The following DPYD variants were observed in gnomAD, a reference collection of about 807,000 sequenced individuals.
DPYD encodes dihydropyrimidine dehydrogenase.
In DPYD, 109 loss-of-function variants were observed where a neutral mutation model predicts 116.2. The ratio of observed to expected loss-of-function variants is 0.94; its 90% CI spans 0.80 to 1.10. The LOEUF is 1.10. Ranked by LOEUF, DPYD falls within the 50% of genes least tolerant of loss-of-function variation. The pLI is 0.00. For synonymous variants in DPYD, 440 were observed against 432.0 expected (o/e 1.02, Z -0.23); for missense variants, 1,302 against 1,254.5 (o/e 1.04, Z -0.57).
chr1:97,492,474 ATT>A (rs1413063167), intron 13 of DPYD, among the ~76,000 whole-genome samples: 1 of 152,148 alleles, frequency 6.6e-6, no homozygotes, highest in African/African-American at 2.4e-5. Flanking sequence ...ATTAAAATCC[ATT>A]CTTATAGAAC....
intron 5 of DPYD, among the ~76,000 whole-genome samples, chr1:97,706,701 C>T (rs1661976255): frequency 6.6e-6 from 1 of 152,056 alleles, no homozygotes. Flanking sequence ...GATAGCTCCT[C>T]TCTTTTTAAT....
chr1:97,521,399 C>T (rs1343237695), intron 12 of DPYD, among the ~76,000 whole-genome samples: 1 of 152,052 alleles, frequency 6.6e-6, no homozygotes, highest in East Asian at 1.9e-4. Context: ...AACCACTGCT[C>T]AAGGAAATAA....
intron 2 of DPYD, among the ~76,000 whole-genome samples, chr1:97,840,605 A>G (rs1669990456): frequency 6.6e-6 from 1 of 152,106 alleles, no homozygotes; most frequent in Non-Finnish European, 1.5e-5. Context: ...CAGTAGGGTA[A>G]GTTTTTTGTC....
intron 16 of DPYD, among the ~76,000 whole-genome samples, chr1:97,312,267 C>T (rs992263326): frequency 1.9e-4 from 29 of 151,914 alleles, no homozygotes; most frequent in African/African-American, 6.7e-4. Context: ...CTGATAATAT[C>T]CCTCTTTGCT....
intron 1 of DPYD, among the ~76,000 whole-genome samples, chr1:97,884,812 T>C (rs1672398391): frequency 6.6e-6 from 1 of 152,066 alleles, no homozygotes. Context: ...GTTTATGATA[T>C]ACAGTACCAG....
chr1:97,398,540 GA>G (rs1468461417), intron 14 of DPYD, among the ~76,000 whole-genome samples: 1 of 152,140 alleles, frequency 6.6e-6, no homozygotes, highest in Admixed American at 6.5e-5. Flanking sequence ...CACAATGGTT[GA>G]ACTAGTTTAC....
intron 12 of DPYD, among the ~76,000 whole-genome samples, chr1:97,533,091 G>T (rs1649754293): frequency 6.6e-6 from 1 of 151,086 alleles, no homozygotes; most frequent in African/African-American, 2.4e-5. Context: ...TTGTGTTTTT[G>T]TTTTAGTTTG....
At chr1:97,674,751 T>A (rs941873002) in intron 8 of DPYD, among the ~76,000 whole-genome samples, 1 of 152,180 alleles carries the variant, frequency 6.6e-6, no homozygotes, top group African/African-American at 2.4e-5. Context: ...TCTTTTTGAA[T>A]GTCTTATGAT....
At chr1:97,328,271 A>C (rs1363704485) in intron 16 of DPYD, among the ~76,000 whole-genome samples, 1 of 152,168 alleles carries the variant, frequency 6.6e-6, no homozygotes, top group Non-Finnish European at 1.5e-5. Context: ...GATGCCTCTT[A>C]AGAAATAAAA....
In DPYD at chr1:97,548,722, C is replaced by A. The variant is rs530986715; in HGVS notation, c.1524+838G>T. On this transcript the variant is annotated intron_variant, in intron 12 of 22. Transcript: ENST00000370192. ...CTGCACTCCAGCCTGGGCATTAGAG[C>A]GAGACTTTGTCTCAAAAAATATAAA... 6.1e-4 allele frequency among the ~76,000 whole-genome samples: 92 copies of A among 151,944 alleles called. No individual in the cohort carries two copies. In the South Asian group the frequency reaches 0.018, roughly 30 times the overall value.
intron 20 of DPYD, among the ~76,000 whole-genome samples, chr1:97,175,849 A>G (rs930965073): frequency 1.3e-5 from 2 of 152,202 alleles, no homozygotes; most frequent in African/African-American, 4.8e-5. Flanking sequence ...AAATTTTTAA[A>G]TACAGTGCAA....
At chr1:97,725,233 A>G (rs771318454) in intron 4 of DPYD, among the ~76,000 whole-genome samples, 1 of 151,702 alleles carries the variant, frequency 6.6e-6, no homozygotes, top group East Asian at 1.9e-4. Flanking sequence ...ATTCAGAACT[A>G]TATGTATTAA....
chr1:97,911,310 G>T (rs1673922581), intron 1 of DPYD, among the ~76,000 whole-genome samples: 1 of 151,990 alleles, frequency 6.6e-6, no homozygotes, highest in Non-Finnish European at 1.5e-5. Context: ...AATGAAAGGG[G>T]TGATGGGCAC....
At chr1:97,091,638 T>C (rs925734392) in intron 21 of DPYD, among the ~76,000 whole-genome samples, 1 of 152,156 alleles carries the variant, frequency 6.6e-6, no homozygotes, top group African/African-American at 2.4e-5. Context: ...TGGCAGGGAC[T>C]TGTATAAAAA....
At chr1:97,345,763 T>C (rs2101272812) in intron 16 of DPYD, among the ~76,000 whole-genome samples, 1 of 152,078 alleles carries the variant, frequency 6.6e-6, no homozygotes, top group African/African-American at 2.4e-5. Flanking sequence ...ACTTGCTTTA[T>C]ATGATAACAT....
At chr1:97,530,022 T>C (rs999913055) in intron 12 of DPYD, among the ~76,000 whole-genome samples, 9 of 151,760 alleles carry the variant, frequency 5.9e-5, no homozygotes, top group African/African-American at 2.2e-4. Flanking sequence ...TTCTATTGTC[T>C]ATTTCTATAC....
At chr1:97,308,206 T>A (rs1314515850) in intron 16 of DPYD, among the ~76,000 whole-genome samples, 1 of 151,838 alleles carries the variant, frequency 6.6e-6, no homozygotes, top group Non-Finnish European at 1.5e-5. Context: ...TGCTTAATGA[T>A]CTGGAATTTG....
At chr1:97,361,421 A>G (rs1168035620) in intron 16 of DPYD, among the ~76,000 whole-genome samples, 1 of 152,236 alleles carries the variant, frequency 6.6e-6, no homozygotes, top group Non-Finnish European at 1.5e-5. Flanking sequence ...TCCAATCAAT[A>G]GAAAATGAGG....
At chr1:97,679,212 A>T in intron 7 of DPYD, 30 bp from the exon 8 acceptor site, 2 of 1,238,608 alleles carry the variant, frequency 1.6e-6, no homozygotes, top group Non-Finnish European at 2.3e-6. Context: ...GCATAAGAAA[A>T]TTTGGCATAT....
Sources: allele counts gnomAD v4.1 joint callset (sites outside exome capture counted in the v4.1 genomes callset), GRCh38; gene constraint gnomAD v4.1.1; transcripts MANE v1.5; gene names NCBI Gene and HGNC (gene_info 2026-07-23, HGNC 2026-07-21).